The following SYNE1 variants were observed in gnomAD, a reference collection of about 807,000 sequenced individuals.
SYNE1 encodes nesprin-1.
In SYNE1, 616 loss-of-function variants were observed where a neutral mutation model predicts 1,111.0. That is an observed-to-expected ratio of 0.55 (90% CI 0.52 to 0.59). The LOEUF is 0.59. SYNE1 is among the 20% of genes least tolerant of loss of function. The pLI is 0.00. For synonymous variants in SYNE1, 3,855 were observed against 3,825.8 expected (o/e 1.01, Z -0.28); for missense variants, 10,006 against 10,417.0 (o/e 0.96, Z 1.72).
rs886061199 is a variant in SYNE1, at chr6:152,224,502, T to C, written c.21514A>G (p.Asn7172Asp). The change falls in exon 117 of 146, where the codon AAT (asparagine) becomes GAT (aspartate). Residue 7172 changes from asparagine (N) to aspartate (D), a missense_variant. By Grantham distance (23) the Asn-to-Asp change is conservative. Around this residue, in one of 7 missense-constraint regions of SYNE1, gnomAD observed 2,182 missense variants for 2,287.8 expected, o/e 0.95. Transcript: ENST00000367255. The stretch of plus-strand genomic sequence containing the variant: ...TTAAATTAATTCCTTACCTGAAGAT[T>C]GTCCACCTGAACTTGCACAGCTTCT... ...SLEAVQVQVD[N>D]LQNLQDDLEK... The C allele has an allele frequency of 6.2e-7, 1 of 1,614,002 alleles. No homozygotes were observed. Among genetic ancestry groups the C allele is most frequent in the East Asian group, 2.2e-5 (1 of 44,858 alleles).
intron 105 of SYNE1, among the ~76,000 whole-genome samples, chr6:152,246,749 T>G (rs2087292608): frequency 1.3e-5 from 2 of 152,086 alleles, no homozygotes; most frequent in South Asian, 4.1e-4. Context: ...AAATAGATCC[T>G]CCCCAAGGCA....
At position 152,176,556 on chromosome 6, in the gene SYNE1, T is replaced by C; in HGVS notation, c.23465A>G (p.Tyr7822Cys). 2 of 1,614,074 alleles carry C rather than the reference T, an allele frequency of 1.2e-6. No homozygotes were observed. The highest frequency in any genetic ancestry group is 1.1e-5 in the South Asian group (1 of 91,078). ...TTGAGCAATAGCAATTTCCTCTTGA[T>C]AATCCTGTGTAATAAATAGCAATCA... ...EEMIEKLKKD[Y>C]QEEIAIAQEN... The change falls in exon 130 of 146, where the codon TAT (tyrosine) becomes TGT (cysteine). Residue 7822 changes from tyrosine (Y) to cysteine (C), a missense_variant. Transcript: ENST00000367255.
chr6:152,259,712 A>G (rs761716577), intron 101 of SYNE1, among the ~76,000 whole-genome samples: 2 of 152,164 alleles, frequency 1.3e-5, no homozygotes, highest in Non-Finnish European at 1.5e-5. Context: ...TGCTCATTAT[A>G]TGATCACTCC....
At position 152,401,274 on chromosome 6, in the gene SYNE1, G is replaced by T. The variant is rs1351175145; in HGVS notation, c.6893C>A (p.Thr2298Asn). Residue 2298 changes from threonine to asparagine, a missense_variant, in exon 47 of 146, where the codon ACC becomes AAC. By Grantham distance (65) the Thr-to-Asn change is moderately conservative. Around this residue, in one of 7 missense-constraint regions of SYNE1, gnomAD observed 4,955 missense variants for 5,017.2 expected, o/e 0.99. Coordinates refer to ENST00000367255, the MANE Select transcript of SYNE1 (RefSeq NM_182961.4). ...ACTTTGAGCCGTGAAATCCTTCAGG[G>T]TTCCTTTTGCTACTTCAGTTATTTC... ...AKEITEVAKG[T>N]LKDFTAQSTQ... The T allele has an allele frequency of 1.2e-6, 2 of 1,614,056 alleles. No individual in the cohort carries two copies. The highest frequency in any genetic ancestry group is 8.5e-7 in the Non-Finnish European group (1 of 1,180,030).
intron 62 of SYNE1, among the ~76,000 whole-genome samples, chr6:152,366,239 G>A (rs9383619): frequency 0.52 from 78,959 of 151,774 alleles, 20,558 homozygotes; most frequent in Non-Finnish European, 0.54. Context: ...GGCTGAGGCA[G>A]GAGAATCGCT....
chr6:152,453,335 A>G (rs938034895), intron 25 of SYNE1: 26 of 617,152 alleles, frequency 4.2e-5, no homozygotes, highest in Non-Finnish European at 7.3e-5. Context: ...TGGATTAAAA[A>G]AAAATCAGGA....
intron 105 of SYNE1, 38 bp from the exon 106 acceptor site, chr6:152,244,694 G>A: frequency 3.7e-6 from 6 of 1,612,924 alleles, no homozygotes; most frequent in Non-Finnish European, 5.1e-6. Context: ...AAACTCCCAT[G>A]AACAATTTCC....
At chr6:152,220,740 G>A in intron 119 of SYNE1, 102 bp downstream of exon 119, 2 of 1,086,424 alleles carry the variant, frequency 1.8e-6, no homozygotes, top group Non-Finnish European at 1.4e-6. Context: ...TTGGGTAACT[G>A]TCTCACATAG....
intron 2 of SYNE1, among the ~76,000 whole-genome samples, chr6:152,629,561 A>AGGGGGG (rs2099694278): frequency 1.2e-5 from 1 of 85,056 alleles, no homozygotes; most frequent in African/African-American, 5.0e-5. Context: ...GAGGGGGTGC[A>AGGGGGG]GTGGGCTTTG....
In SYNE1 at chr6:152,390,297, G is replaced by C. The variant is rs1444608522; in HGVS notation, c.8160C>G (p.Ser2720=). The change falls in exon 53 of 146, where the codon TCC becomes TCG. Residue 2720 remains serine, a synonymous_variant. Transcript: ENST00000367255. ...TTCTGTACCTTTGAGCGTGGACGGA[G>C]GAGCTCATGATGTCAGCCCACACTT... ...LKEVWADIMS[S]SVHAQSTLES... The C allele has an allele frequency of 1.2e-6, 2 of 1,614,048 alleles. No homozygotes were observed. Among genetic ancestry groups the C allele is most frequent in the East Asian group, 4.5e-5 (2 of 44,876 alleles).
rs773713870 is a variant in SYNE1, at chr6:152,256,711, C to G, written c.19027G>C (p.Val6343Leu). The G allele has an allele frequency of 6.2e-7, 1 of 1,614,066 alleles. No homozygotes were observed. Among genetic ancestry groups the G allele is most frequent in the South Asian group, 1.1e-5 (1 of 91,082 alleles). Residue 6343 changes from valine (V) to leucine (L), a missense_variant, in exon 102 of 146, where the codon GTG becomes CTG. Coordinates refer to ENST00000367255, the MANE Select transcript of SYNE1 (RefSeq NM_182961.4). Reference sequence around the variant, plus strand: ...ACTGCAGATTTATCTTGGGTTGGCACGTCCCCTTTGTACAGTGGCACACCA... The same window carrying G: ...ACTGCAGATTTATCTTGGGTTGGCAGGTCCCCTTTGTACAGTGGCACACCA... ...LSGVPLYKGD[V>L]PTQDKSAVTS...
rs1462290997 is a variant in SYNE1 at position 152,466,014 on chromosome 6, G to C, written c.1697C>G (p.Thr566Arg). Residue 566 changes from threonine (T) to arginine (R), a missense_variant, in exon 17 of 146, where the codon ACA (threonine) becomes AGA (arginine). Coordinates refer to ENST00000367255, the MANE Select transcript of SYNE1 (RefSeq NM_182961.4). The stretch of plus-strand genomic sequence containing the variant: ...ATCTGCTTTGACATACATCTCAGCT[G>C]TCTGTTTCAAGATCTGGTATGTCAC... The part of the protein sequence containing the change: ...YEVTYQILKQ[T>R]AEMYVKADGS... 2 of 1,612,894 alleles carry C rather than the reference G, an allele frequency of 1.2e-6. No individual in the cohort carries two copies. Among genetic ancestry groups the C allele is most frequent in the East Asian group, 2.2e-5 (1 of 44,844 alleles).
intron 2 of SYNE1, among the ~76,000 whole-genome samples, chr6:152,634,223 C>T (rs1370318210): frequency 6.6e-6 from 1 of 152,162 alleles, no homozygotes; most frequent in African/African-American, 2.4e-5. Context: ...CCTGCAATGA[C>T]CAGAGACAAC....
intron 45 of SYNE1, among the ~76,000 whole-genome samples, chr6:152,405,969 T>C (rs890905581): frequency 5.9e-5 from 9 of 151,968 alleles, no homozygotes; most frequent in Admixed American, 2.6e-4. Context: ...ATAGCCCAAT[T>C]ACTACTTGAT....
chr6:152,222,103 C>T (rs1223976783), intron 117 of SYNE1, among the ~76,000 whole-genome samples: 1 of 152,188 alleles, frequency 6.6e-6, no homozygotes. Flanking sequence ...TCTTAGCCAA[C>T]TGAGGTCAGT....
chr6:152,333,029 T>C (rs1196642671), intron 77 of SYNE1, among the ~76,000 whole-genome samples: 1 of 151,984 alleles, frequency 6.6e-6, no homozygotes, highest in Non-Finnish European at 1.5e-5. Flanking sequence ...AACCAGAAAA[T>C]GGTATACCAA....
At chr6:152,532,925 C>T (rs2099211914) in intron 4 of SYNE1, among the ~76,000 whole-genome samples, 1 of 152,016 alleles carries the variant, frequency 6.6e-6, no homozygotes, top group Non-Finnish European at 1.5e-5. Flanking sequence ...GAGAGGTTAA[C>T]CAGCAGATAT....
At chr6:152,569,020 T>A (rs1281137885) in intron 3 of SYNE1, among the ~76,000 whole-genome samples, 3 of 152,192 alleles carry the variant, frequency 2.0e-5, no homozygotes, top group African/African-American at 7.2e-5. Flanking sequence ...TAATGAAGAT[T>A]AAGTAACATT....
intron 32 of SYNE1, among the ~76,000 whole-genome samples, chr6:152,440,925 T>C (rs997749546): frequency 6.6e-6 from 1 of 152,182 alleles, no homozygotes; most frequent in African/African-American, 2.4e-5. Context: ...ATTTTCCAAT[T>C]TGATAAAAAT....
Sources: allele counts gnomAD v4.1 joint callset (sites outside exome capture counted in the v4.1 genomes callset), GRCh38; gene constraint gnomAD v4.1.1; regional missense constraint gnomAD v4.1.1; transcripts MANE v1.5; gene names NCBI Gene and HGNC (gene_info 2026-07-23, HGNC 2026-07-21).